NECAB2: variants seen among roughly 807,000 people sequenced by gnomAD.
NECAB2 encodes N-terminal EF-hand calcium binding protein 2.
A neutral mutation model predicts 51.9 loss-of-function variants in NECAB2; 68 were observed. The observed-to-expected ratio is 1.31, with a 90% confidence interval of 1.08 to 1.60. The LOEUF (loss-of-function observed/expected upper bound fraction) is 1.60. NECAB2 is among the 40% of genes most tolerant of loss of function. The pLI is 0.00. For missense variants in NECAB2, 854 were observed against 490.3 expected (o/e 1.74, Z -7.00); for synonymous variants, 329 against 203.5 (o/e 1.62, Z -5.25).
In NECAB2 at chr16:84,002,421, A is replaced by G; in HGVS notation, c.*75A>G. The G allele has an allele frequency of 2.6e-6, 4 of 1,536,646 alleles. No individual in the cohort carries two copies. Among genetic ancestry groups the G allele is most frequent in the East Asian group, 4.5e-5 (2 of 44,432 alleles). ...AAGGAAATCCCGTTTTTTTCTAGAC[A>G]GACACTTTGGTGCAGAAGCTTCTTT... On this transcript the variant is annotated 3_prime_UTR_variant, in exon 13 of 13. Transcript: ENST00000305202.
chr16:83,997,654 A>AT (rs1323523105), intron 9 of NECAB2, among the ~76,000 whole-genome samples: 2 of 151,388 alleles, frequency 1.3e-5, no homozygotes, highest in East Asian at 1.9e-4. Flanking sequence ...CGCCTGGCTA[A>AT]TTTTTTTGGT....
chr16:83,972,698 C>G (rs546314075), intron 2 of NECAB2, among the ~76,000 whole-genome samples: 1 of 152,312 alleles, frequency 6.6e-6, no homozygotes, highest in East Asian at 1.9e-4. Context: ...AACGGAGGCT[C>G]TCCTGAAGAC....
intron 9 of NECAB2, among the ~76,000 whole-genome samples, 169 bp from the exon 10 acceptor site, chr16:83,998,036 C>T (rs1004842493): frequency 6.6e-6 from 1 of 152,052 alleles, no homozygotes; most frequent in African/African-American, 2.4e-5. Context: ...GGTTCTAGTC[C>T]TTTCTTAGCC....
intron 4 of NECAB2, 49 bp from the exon 5 acceptor site, chr16:83,980,981 T>G: frequency 6.2e-7 from 1 of 1,605,576 alleles, no homozygotes. Flanking sequence ...GAGTGCTGAG[T>G]GGGAGGGGCA....
chr16:83,978,589 T>C, intron 3 of NECAB2, 37 bp downstream of exon 3: 1 of 1,533,432 alleles, frequency 6.5e-7, no homozygotes, highest in South Asian at 1.1e-5. Context: ...TGGGGGTGTG[T>C]GTGGGCTGTG....
At chr16:83,998,355 G>A (rs1013356258) in intron 10 of NECAB2, 38 bp downstream of exon 10, 3 of 1,595,246 alleles carry the variant, frequency 1.9e-6, no homozygotes, top group Middle Eastern at 1.7e-4. Context: ...GATGGTGGCA[G>A]GGAGCTCTGC....
upstream of NECAB2, among the ~76,000 whole-genome samples, chr16:83,967,701 T>TGGAC (rs2084300720): frequency 9.2e-6 from 1 of 108,932 alleles, no homozygotes; most frequent in African/African-American, 4.3e-5. Context: ...GGCAGATGGA[T>TGGAC]GGACGGATGG....
At position 83,972,164 on chromosome 16, in the gene NECAB2, C is replaced by G. The variant is rs201570211; in HGVS notation, c.215C>G (p.Ala72Gly). 1.9e-6 allele frequency: 3 copies of G among 1,613,300 alleles called. No homozygotes were observed. Among genetic ancestry groups the G allele is most frequent in the African/African-American group, 1.3e-5 (1 of 74,932 alleles). Residue 72 changes from alanine (A) to glycine (G), a missense_variant, in exon 2 of 13, where the codon GCG (alanine) becomes GGG (glycine). By Grantham distance (60) the Ala-to-Gly change is moderately conservative. Coordinates refer to ENST00000305202, the MANE Select transcript of NECAB2 (RefSeq NM_019065.3). ...TCTTTTCTGCAGATTTTCCGCCGTG[C>G]GGACAAAAATGGTGAGTTTCCCTTC... Reference protein sequence around the residue: ...TAVILDIFRRADKNDDGKLSL... With the variant: ...TAVILDIFRRGDKNDDGKLSL...
intron 5 of NECAB2, among the ~76,000 whole-genome samples, chr16:83,988,907 T>C (rs1427964997): frequency 3.3e-5 from 5 of 152,182 alleles, no homozygotes; most frequent in African/African-American, 1.2e-4. Flanking sequence ...GTTGTATCTT[T>C]ACATGGGGGA....
chr16:83,997,504 T>C (rs2084728364), intron 9 of NECAB2, among the ~76,000 whole-genome samples: 1 of 140,718 alleles, frequency 7.1e-6, no homozygotes, highest in Non-Finnish European at 1.5e-5. Flanking sequence ...TTTTTTTTTT[T>C]TGAGATGGAG....
intron 10 of NECAB2, among the ~76,000 whole-genome samples, chr16:83,998,904 C>G (rs914969980): frequency 6.6e-6 from 1 of 152,182 alleles, no homozygotes; most frequent in Non-Finnish European, 1.5e-5. Flanking sequence ...AAAGCTAAGG[C>G]ATGTGGCCAG....
intron 5 of NECAB2, among the ~76,000 whole-genome samples, chr16:83,986,934 A>T (rs140226053): frequency 1.3e-5 from 2 of 152,152 alleles, no homozygotes; most frequent in African/African-American, 4.8e-5. Context: ...CGTAGGTACA[A>T]TGTTCAATAT....
At position 84,002,617 on chromosome 16, in the gene NECAB2, T is replaced by A. The variant is rs2084861008; in HGVS notation, c.*271T>A. 2 of 566,980 alleles carry A rather than the reference T, an allele frequency of 3.5e-6. No homozygotes were observed. Among genetic ancestry groups the A allele is most frequent in the Non-Finnish European group, 6.3e-6 (2 of 317,416 alleles). 35.1% of individuals were successfully genotyped at this position (566,980 alleles called of 1,614,324 possible). Reference sequence around the variant, plus strand: ...ACCCCTGCCTCCTGGTCCTGGCCTCTCCCCTACCCCTCACATGGCCACGCA... The same window carrying A: ...ACCCCTGCCTCCTGGTCCTGGCCTCACCCCTACCCCTCACATGGCCACGCA... On this transcript the variant is annotated 3_prime_UTR_variant, in exon 13 of 13. Coordinates refer to ENST00000305202, the MANE Select transcript of NECAB2 (RefSeq NM_019065.3).
chr16:83,967,470 ATGGGAGGGAGGGGGGTGGGT>A (rs2084294984), upstream of NECAB2, among the ~76,000 whole-genome samples: 1 of 5,008 alleles, frequency 2.0e-4, no homozygotes. Flanking sequence ...GGATGGATGG[ATGGGAGGGAGGGGGGTGGGT>A]GGGTGGGTGG....
At chr16:83,993,200 A>C (rs2084648637) in intron 6 of NECAB2, among the ~76,000 whole-genome samples, 1 of 152,078 alleles carries the variant, frequency 6.6e-6, no homozygotes, top group Non-Finnish European at 1.5e-5. Context: ...TGTCACCTCT[A>C]GCACAGGCTA....
chr16:83,998,456 T>C, intron 10 of NECAB2, 139 bp downstream of exon 10: 1 of 781,328 alleles, frequency 1.3e-6, no homozygotes, highest in South Asian at 1.8e-5. Flanking sequence ...GCGTAAGAAG[T>C]GGGTTCAGGT....
chr16:83,980,715 C>G, intron 3 of NECAB2, 124 bp from the exon 4 acceptor site: 1 of 1,322,416 alleles, frequency 7.6e-7, no homozygotes, highest in Non-Finnish European at 1.1e-6. Flanking sequence ...TAAGGCGGAG[C>G]TTGTGGGGCC....
chr16:83,982,994 G>C (rs1247737116), intron 5 of NECAB2, among the ~76,000 whole-genome samples: 1 of 151,446 alleles, frequency 6.6e-6, no homozygotes, highest in Non-Finnish European at 1.5e-5. Context: ...TCAGCCTCCC[G>C]AGTAGCTGGG....
At chr16:83,965,581 G>A (rs750315102), upstream of NECAB2, 1 of 1,613,002 alleles carries the variant, frequency 6.2e-7, no homozygotes, top group South Asian at 1.1e-5. Context: ...TGTACCCCGA[G>A]TACCACAAGG....
Sources: gnomAD v4.1 joint callset for allele counts (sites outside exome capture counted in the v4.1 genomes callset) on GRCh38, gnomAD v4.1.1 for gene constraint, MANE v1.5 for transcripts, NCBI Gene and HGNC (gene_info 2026-07-23, HGNC 2026-07-21) for gene names.